Variants in B3GNT2 observed in about 807,000 individuals in gnomAD.
B3GNT2 encodes the protein N-acetyllactosaminide beta-1,3-N-acetylglucosaminyltransferase 2.
In B3GNT2, 12 loss-of-function variants were observed where a neutral mutation model predicts 27.6. That is an observed-to-expected ratio of 0.44 (90% confidence interval 0.28 to 0.71). The LOEUF is 0.71. B3GNT2 is among the 30% of genes least tolerant of loss of function. The pLI, the probability that B3GNT2 is intolerant of heterozygous loss-of-function variation, is 0.17. For synonymous variants in B3GNT2, 192 were observed against 189.7 expected (o/e 1.01, Z -0.10); for missense variants, 413 against 488.5 (o/e 0.85, Z 1.46).
chr2:62,213,600 A>T (rs991271788), intron 1 of B3GNT2, among the ~76,000 whole-genome samples: 7 of 152,144 alleles, frequency 4.6e-5, no homozygotes, highest in African/African-American at 1.7e-4. Context: ...ACTGTGGGAA[A>T]TGAGGGGGCG....
intron 1 of B3GNT2, among the ~76,000 whole-genome samples, chr2:62,212,691 A>G (rs1430656519): frequency 6.6e-6 from 1 of 151,852 alleles, no homozygotes; most frequent in Non-Finnish European, 1.5e-5. Flanking sequence ...TACTTTCTTC[A>G]ACAAACTCAG....
At chr2:62,203,098 G>A (rs1454466375) in intron 1 of B3GNT2, among the ~76,000 whole-genome samples, 1 of 152,172 alleles carries the variant, frequency 6.6e-6, no homozygotes, top group Non-Finnish European at 1.5e-5. Context: ...GTTCTTTGCT[G>A]CCTGTTTTCA....
At chr2:62,197,414 A>T (rs1326989407) in intron 1 of B3GNT2, among the ~76,000 whole-genome samples, 1 of 152,166 alleles carries the variant, frequency 6.6e-6, no homozygotes, top group Non-Finnish European at 1.5e-5. Flanking sequence ...AAAAATATGT[A>T]CATTTATAAC....
In B3GNT2 at chr2:62,222,173, G is replaced by A; in HGVS notation, c.-9-39G>A. On this transcript the variant is annotated intron_variant, in intron 1 of 1. Transcript: ENST00000301998. This position sits in a 1 kb window ranked among gnomAD's most constrained non-coding sequence, Gnocchi z 4.2. Reference sequence around the variant, plus strand: ...TAAATTGTATGTGCAAATGCAAATTGATAAGTAATTGATACAATACTCCAC... The same window carrying A: ...TAAATTGTATGTGCAAATGCAAATTAATAAGTAATTGATACAATACTCCAC... The A allele has an allele frequency of 6.7e-7, 1 of 1,501,610 alleles. No homozygotes were observed. Among genetic ancestry groups the A allele is most frequent in the South Asian group, 1.3e-5 (1 of 75,108 alleles). 93.0% of individuals were successfully genotyped at this position (1,501,610 alleles called of 1,614,324 possible). A position where few individuals can be genotyped will look rare whatever the true frequency, so the allele number is the denominator to read the frequency against.
At chr2:62,211,795 G>A (rs1407241663) in intron 1 of B3GNT2, among the ~76,000 whole-genome samples, 2 of 151,988 alleles carry the variant, frequency 1.3e-5, no homozygotes, top group Admixed American at 6.5e-5. Context: ...GCTCTGTGCC[G>A]TACCCCATGT....
chr2:62,207,446 GA>G (rs1674397505), intron 1 of B3GNT2, among the ~76,000 whole-genome samples: 1 of 152,146 alleles, frequency 6.6e-6, no homozygotes, highest in African/African-American at 2.4e-5. Context: ...AATAGAATTG[GA>G]AAGGCAGTGG....
In B3GNT2 at chr2:62,222,590, A is replaced by G. The variant is rs1247554055; in HGVS notation, c.370A>G (p.Arg124Gly). Residue 124 changes from arginine (R) to glycine (G), a missense_variant, in exon 2 of 2, where the codon AGA becomes GGA. Arg to Gly is a moderately radical substitution (Grantham distance 125, BLOSUM62 -2). Coordinates refer to ENST00000301998, the MANE Select transcript of B3GNT2 (RefSeq NM_006577.6). The surrounding 1 kb of genome is among the most constrained non-coding windows in gnomAD (Gnocchi z 4.2). ...DRFKDFLLYL[R>G]CRNYSLLIDQ... ...ATTTAAAGACTTTCTGCTGTATTTG[A>G]GATGCCGCAATTATTCACTGCTTAT... 1.9e-6 allele frequency: 3 copies of G among 1,614,198 alleles called. No homozygotes were observed. The highest frequency in any genetic ancestry group is 2.5e-6 in the Non-Finnish European group (3 of 1,180,030).
chr2:62,221,554 C>T (rs1307362920), intron 1 of B3GNT2, among the ~76,000 whole-genome samples: 7 of 152,096 alleles, frequency 4.6e-5, no homozygotes, highest in Admixed American at 6.5e-5. Flanking sequence ...TGCCTATAAT[C>T]CCAGCACTTT....
At position 62,222,937 on chromosome 2, in the gene B3GNT2, G is replaced by A. The variant is rs1674747946; in HGVS notation, c.717G>A (p.Glu239=). ...TAAGTACTTCCTGCCCAGACACTGA[G>A]TTTGTTTTCAAGGGCGATGACGATG... ...RWVSTSCPDT[E]FVFKGDDDVF... is the part of the protein sequence containing the mutation. Residue 239 remains glutamate (E), a synonymous_variant, in exon 2 of 2, where the codon GAG becomes GAA. Coordinates refer to ENST00000301998, the MANE Select transcript of B3GNT2 (RefSeq NM_006577.6). This position sits in a 1 kb window ranked among gnomAD's most constrained non-coding sequence, Gnocchi z 4.2. The A allele has an allele frequency of 6.2e-7, 1 of 1,614,184 alleles. No individual in the cohort carries two copies. The highest frequency in any genetic ancestry group is 1.7e-5 in the Admixed American group (1 of 60,024).
chr2:62,210,254 TG>T (rs1271045864), intron 1 of B3GNT2, among the ~76,000 whole-genome samples: 1 of 152,216 alleles, frequency 6.6e-6, no homozygotes, highest in Non-Finnish European at 1.5e-5. Flanking sequence ...GACCCAAGGT[TG>T]GGACCAGAGT....
At position 62,224,514 on chromosome 2, in the gene B3GNT2, G is replaced by T. The variant is rs927927975; in HGVS notation, c.*1100G>T. The T allele has an allele frequency of 1.8e-5, 3 of 166,988 alleles. No individual in the cohort carries two copies. Among genetic ancestry groups the T allele is most frequent in the Admixed American group, 1.3e-4 (2 of 15,274 alleles). The allele number at this position is 166,988 out of a possible 1,614,324, so 10.3% of individuals were successfully genotyped here. On this transcript the variant is annotated 3_prime_UTR_variant, in exon 2 of 2. Coordinates refer to ENST00000301998, the MANE Select transcript of B3GNT2 (RefSeq NM_006577.6). ...AGAGCATGATATTTTAAATGTTAAG[G>T]TGTAACATATGTTAAATAAAACTGT...
chr2:62,199,850 T>C (rs765214903), intron 1 of B3GNT2, among the ~76,000 whole-genome samples: 1 of 152,224 alleles, frequency 6.6e-6, no homozygotes, highest in Non-Finnish European at 1.5e-5. Context: ...CATTCCTCTC[T>C]CTGGAGAGGC....
At chr2:62,205,476 A>G (rs1674355048) in intron 1 of B3GNT2, among the ~76,000 whole-genome samples, 1 of 152,240 alleles carries the variant, frequency 6.6e-6, no homozygotes, top group Non-Finnish European at 1.5e-5. Flanking sequence ...TTAAAAAGCA[A>G]CAACTTGAAA....
At chr2:62,205,089 C>T (rs572819319) in intron 1 of B3GNT2, among the ~76,000 whole-genome samples, 30 of 152,292 alleles carry the variant, frequency 2.0e-4, no homozygotes, top group African/African-American at 7.0e-4. Context: ...ATTGGAAGCC[C>T]GTGGCACTGG....
At chr2:62,220,789 T>C (rs1674676935) in intron 1 of B3GNT2, among the ~76,000 whole-genome samples, 1 of 152,332 alleles carries the variant, frequency 6.6e-6, no homozygotes, top group South Asian at 2.1e-4. Flanking sequence ...CATCCCACTT[T>C]TTTGGGCTAT....
Position 62,222,640 on chromosome 2 carries a change from G to T in B3GNT2, c.420G>T (p.Lys140Asn). The T allele has an allele frequency of 3.7e-6, 6 of 1,614,234 alleles. No individual in the cohort carries two copies. Among genetic ancestry groups the T allele is most frequent in the Non-Finnish European group, 5.1e-6 (6 of 1,180,046 alleles). Residue 140 changes from lysine to asparagine, a missense_variant, in exon 2 of 2, where the codon AAG becomes AAT. Coordinates refer to ENST00000301998, the MANE Select transcript of B3GNT2 (RefSeq NM_006577.6). The surrounding 1 kb of genome is among the most constrained non-coding windows in gnomAD (Gnocchi z 4.2). ...TAGATCAGCCGGATAAGTGTGCAAA[G>T]AAACCTTTCTTGTTGCTGGCGATTA... ...LLIDQPDKCA[K>N]KPFLLLAIKS...
At position 62,222,509 on chromosome 2, in the gene B3GNT2, G is replaced by A. The variant is rs767753065; in HGVS notation, c.289G>A (p.Glu97Lys). ...CAATATAAGCCATCTGAACTACTGC[G>A]AACCTGACCTGAGGGTCACGTCGGT... ...LSNISHLNYC[E>K]PDLRVTSVVT... Residue 97 changes from glutamate to lysine, a missense_variant, in exon 2 of 2, where the codon GAA (glutamate) becomes AAA (lysine). Physicochemically the swap from Glu to Lys is moderately conservative, Grantham distance 56. Transcript: ENST00000301998. This position sits in a 1 kb window ranked among gnomAD's most constrained non-coding sequence, Gnocchi z 4.2. 1.4e-5 allele frequency: 23 copies of A among 1,614,042 alleles called. No individual in the cohort carries two copies. In the Admixed American group the frequency reaches 2.5e-4, roughly 18 times the overall value.
chr2:62,223,023 A>G lies in B3GNT2; in HGVS notation c.803A>G (p.Lys268Arg). ...AATAGTTTATCCAAGACCAAAGCCA[A>G]AGATCTCTTCATAGGTGATGTGATC... ...YLNSLSKTKA[K>R]DLFIGDVIHN... The change falls in exon 2 of 2, where the codon AAA becomes AGA. Residue 268 changes from lysine (K) to arginine (R), a missense_variant. Transcript: ENST00000301998. The G allele has an allele frequency of 6.2e-7, 1 of 1,614,240 alleles. No individual in the cohort carries two copies. Among genetic ancestry groups the G allele is most frequent in the African/African-American group, 1.3e-5 (1 of 75,056 alleles).
At position 62,222,354 on chromosome 2, in the gene B3GNT2, A is replaced by T; in HGVS notation, c.134A>T (p.Lys45Ile). The stretch of plus-strand genomic sequence containing the variant: ...GGAAAAGGGGAAGTAATAATACCCA[A>T]AGAGAAGTTCTGGAAGATATCTACC... ...KNGKGEVIIP[K>I]EKFWKISTPP... Residue 45 changes from lysine to isoleucine, a missense_variant, in exon 2 of 2, where the codon AAA becomes ATA. Transcript: ENST00000301998. This position sits in a 1 kb window ranked among gnomAD's most constrained non-coding sequence, Gnocchi z 4.2. 1.9e-6 allele frequency: 3 copies of T among 1,614,162 alleles called. No homozygotes were observed. The highest frequency in any genetic ancestry group is 2.5e-6 in the Non-Finnish European group (3 of 1,180,046).
Sources: gnomAD v4.1 joint callset for allele counts (sites outside exome capture counted in the v4.1 genomes callset) on GRCh38, gnomAD v4.1.1 for gene constraint, Gnocchi (gnomAD v3.1) non-coding constraint, MANE v1.5 for transcripts, NCBI Gene and HGNC (gene_info 2026-07-23, HGNC 2026-07-21) for gene names.